PGC: variants seen among roughly 807,000 people sequenced by gnomAD.
PGC encodes gastricsin.
In PGC, 31 loss-of-function variants were observed where a neutral mutation model predicts 45.9. The ratio of observed to expected loss-of-function variants is 0.67; its 90% confidence interval spans 0.51 to 0.91. PGC has a LOEUF of 0.91. PGC is among the 40% of genes least tolerant of loss of function. The pLI, the probability that PGC is intolerant of heterozygous loss-of-function variation, is 0.00. For missense variants in PGC, 477 were observed against 493.2 expected, an observed-to-expected ratio of 0.97 and a Z score of 0.31; for synonymous variants, 192 against 201.8, an observed-to-expected ratio of 0.95 and a Z score of 0.41.
At chr6:41,747,250 C>A in intron 1 of PGC, 26 bp downstream of exon 1, 1 of 1,607,438 alleles carries the variant, frequency 6.2e-7, no homozygotes, top group Non-Finnish European at 8.5e-7. Context: ...AGGCTCCCTG[C>A]ACCAGCAGCC....
intron 6 of PGC, 145 bp downstream of exon 6, chr6:41,740,346 G>A: frequency 9.3e-7 from 1 of 1,070,036 alleles, no homozygotes; most frequent in Non-Finnish European, 1.3e-6. Context: ...CACCCCTGCA[G>A]AGGACAGTTG....
At chr6:41,746,762 G>C (rs150936347) in intron 1 of PGC, among the ~76,000 whole-genome samples, 3 of 152,188 alleles carry the variant, frequency 2.0e-5, no homozygotes, top group Admixed American at 2.0e-4. Context: ...CAGGCTGGGC[G>C]CCTTCCTGAT....
In PGC at chr6:41,744,847, T is replaced by G. The variant is rs774012961; in HGVS notation, c.60-39A>C. 1 of 1,571,800 alleles carries G rather than the reference T, an allele frequency of 6.4e-7. No individual in the cohort carries two copies. Among genetic ancestry groups the G allele is most frequent in the South Asian group, 1.1e-5 (1 of 87,816 alleles). ...GCATATGAGGCAAGGCCCTCCCTCCTTCCTCTCTTCCCACTCCTCTCTTTC... is the reference window on the plus strand; with the variant it reads ...GCATATGAGGCAAGGCCCTCCCTCCGTCCTCTCTTCCCACTCCTCTCTTTC... On this transcript the variant is annotated intron_variant, in intron 1 of 8. Transcript: ENST00000373025. This position sits in a 1 kb window ranked among gnomAD's most constrained non-coding sequence, Gnocchi z 4.4.
In PGC at chr6:41,736,790, A is replaced by C. The variant is rs1446829222; in HGVS notation, c.*62T>G. The C allele has an allele frequency of 1.3e-6, 2 of 1,542,482 alleles. No homozygotes were observed. The highest frequency in any genetic ancestry group is 3.3e-5 in the Admixed American group (2 of 59,908). On this transcript the variant is annotated 3_prime_UTR_variant, in exon 9 of 9. Coordinates refer to ENST00000373025, the MANE Select transcript of PGC (RefSeq NM_002630.4). The stretch of plus-strand genomic sequence containing the variant: ...GAATCCAGAGTGGAAAGACAGATAC[A>C]ATGCCCTAGGAGGGTGCAGGGTCAA...
In PGC at chr6:41,740,585, C is replaced by T; in HGVS notation, c.673G>A (p.Val225Ile). 1.9e-6 allele frequency: 3 copies of T among 1,601,768 alleles called. No homozygotes were observed. Among genetic ancestry groups the T allele is most frequent in the Non-Finnish European group, 2.6e-6 (3 of 1,174,480 alleles). ...SNQQGSSGGA[V>I]VFGGVDSSLY... ...CTGCTATCCACACCCCCAAAGACAA[C>T]CGCTCCCCCGCTGGAGCCCTGCTGG... The change falls in exon 6 of 9, where the codon GTT becomes ATT. Residue 225 changes from valine to isoleucine, a missense_variant. Val to Ile is a conservative substitution (Grantham distance 29). Transcript: ENST00000373025.
intron 5 of PGC, chr6:41,740,894 C>T: frequency 1.4e-6 from 2 of 1,446,032 alleles, no homozygotes; most frequent in Non-Finnish European, 1.8e-6. Context: ...GGGCTGTATC[C>T]CTTAGATTGG....
Position 41,742,281 on chromosome 6 carries a change from G to A in PGC, c.647+9C>T. 1 of 1,612,480 alleles carries A rather than the reference G, an allele frequency of 6.2e-7. No homozygotes were observed. The highest frequency in any genetic ancestry group is 8.5e-7 in the Non-Finnish European group (1 of 1,179,062). On this transcript the variant is annotated intron_variant, in intron 5 of 8. Coordinates refer to ENST00000373025, the MANE Select transcript of PGC (RefSeq NM_002630.4). ...CCGGGAGGTGGGGACTGGCCAGCTG[G>A]TTGCTCACTTGCTGAGGTAGACGCT...
Position 41,738,179 on chromosome 6 carries a change from CAT to C in PGC, c.916-353_916-352del, listed in dbSNP as rs1293180457. Among the ~76,000 whole-genome samples the C allele has an allele frequency of 9.9e-3, 210 of 21,306 alleles. 9 individuals are homozygous for C. The highest frequency in any genetic ancestry group is 0.025 in the Middle Eastern group (1 of 40). 14.0% of individuals were successfully genotyped at this position (21,306 alleles called of 152,430 possible). On this transcript the variant is annotated intron_variant, in intron 7 of 8. Coordinates refer to ENST00000373025, the MANE Select transcript of PGC (RefSeq NM_002630.4). ...ATACATATATATGCATATATATATA[CAT>C]ATATATATGCATATATATATGCATA...
chr6:41,744,447 C>G lies in PGC; in HGVS notation c.278G>C (p.Gly93Ala), dbSNP rs527381529. 1.6e-5 allele frequency: 26 copies of G among 1,613,460 alleles called. No homozygotes were observed. The East Asian group carries it at 5.3e-4, about 33-fold the overall frequency. Residue 93 changes from glycine (G) to alanine (A), a missense_variant, in exon 3 of 9, where the codon GGC becomes GCC. Physicochemically the swap from Gly to Ala is moderately conservative, Grantham distance 60 (BLOSUM62 0). Coordinates refer to ENST00000373025, the MANE Select transcript of PGC (RefSeq NM_002630.4). The surrounding 1 kb of genome is among the most constrained non-coding windows in gnomAD (Gnocchi z 4.4). Reference sequence around the variant, plus strand: ...AGAGGGCACCCACAAGTTGGAGGAGCCGGTGTCAAAAAGGACCAGGAAGTT... The same window carrying G: ...AGAGGGCACCCACAAGTTGGAGGAGGCGGTGTCAAAAAGGACCAGGAAGTT... Reference protein sequence around the residue: ...PQNFLVLFDTGSSNLWVPSVY... With the variant: ...PQNFLVLFDTASSNLWVPSVY...
rs914632425 is a variant in PGC, at chr6:41,744,174, C to T, written c.328+223G>A. 2.4e-4 allele frequency among the ~76,000 whole-genome samples: 36 copies of T among 152,078 alleles called. No individual in the cohort carries two copies. Among genetic ancestry groups the T allele is most frequent in the African/African-American group, 8.2e-4 (34 of 41,394 alleles). ...GTGGGGAGTTAGGGGCTGGCATAAG[C>T]AAAGGGATACATATTGGCAGGGAAG... On this transcript the variant is annotated intron_variant, in intron 3 of 8. Coordinates refer to ENST00000373025, the MANE Select transcript of PGC (RefSeq NM_002630.4). This position sits in a 1 kb window ranked among gnomAD's most constrained non-coding sequence, Gnocchi z 4.4.
intron 8 of PGC, 107 bp downstream of exon 8, chr6:41,737,623 G>A (rs190134385): frequency 7.9e-5 from 54 of 680,872 alleles, no homozygotes; most frequent in Non-Finnish European, 1.3e-4. Context: ...GAGTACAAGC[G>A]TGGAGTCGGA....
At chr6:41,740,299 A>G (rs1034577898) in intron 6 of PGC, among the ~76,000 whole-genome samples, 192 bp downstream of exon 6, 2 of 152,094 alleles carry the variant, frequency 1.3e-5, no homozygotes, top group African/African-American at 4.8e-5. Context: ...TATGTTGTCC[A>G]CATCCACTCT....
At chr6:41,746,402 C>G (rs1257169828) in intron 1 of PGC, among the ~76,000 whole-genome samples, 1 of 152,222 alleles carries the variant, frequency 6.6e-6, no homozygotes, top group African/African-American at 2.4e-5. Context: ...CCTGGGTGGT[C>G]TGGAGCACAG....
intron 8 of PGC, 97 bp from the exon 9 acceptor site, chr6:41,737,101 C>T: frequency 1.6e-6 from 2 of 1,222,960 alleles, no homozygotes; most frequent in Non-Finnish European, 2.3e-6. Context: ...AAGTGCAGAG[C>T]TGAGGGAGCC....
At position 41,744,427 on chromosome 6, in the gene PGC, G is replaced by T; in HGVS notation, c.298C>A (p.Pro100Thr). Residue 100 changes from proline (P) to threonine (T), a missense_variant, in exon 3 of 9, where the codon CCC becomes ACC. Pro to Thr is a conservative substitution (Grantham distance 38). Coordinates refer to ENST00000373025, the MANE Select transcript of PGC (RefSeq NM_002630.4). The surrounding 1 kb of genome is among the most constrained non-coding windows in gnomAD (Gnocchi z 4.4). Reference sequence around the variant, plus strand: ...GCCTGGCTCTGGCAGTAGACAGAGGGCACCCACAAGTTGGAGGAGCCGGTG... The same window carrying T: ...GCCTGGCTCTGGCAGTAGACAGAGGTCACCCACAAGTTGGAGGAGCCGGTG... ...FDTGSSNLWVPSVYCQSQACT... is the reference protein window; with the variant it reads ...FDTGSSNLWVTSVYCQSQACT... The T allele has an allele frequency of 1.2e-6, 2 of 1,612,808 alleles. No individual in the cohort carries two copies. Among genetic ancestry groups the T allele is most frequent in the Non-Finnish European group, 1.7e-6 (2 of 1,179,720 alleles).
At position 41,736,818 on chromosome 6, in the gene PGC, G is replaced by A. The variant is rs1771689424; in HGVS notation, c.*34C>T. 5 of 1,612,644 alleles carry A rather than the reference G, an allele frequency of 3.1e-6. No homozygotes were observed. Among genetic ancestry groups the A allele is most frequent in the Non-Finnish European group, 4.2e-6 (5 of 1,178,866 alleles). ...GCCCTAGGAGGGTGCAGGGTCAAGA[G>A]GAAGAGGGGAGCCCACGTGTCGAGG... On this transcript the variant is annotated 3_prime_UTR_variant, in exon 9 of 9. Transcript: ENST00000373025.
chr6:41,740,886 G>A (rs879827714), intron 5 of PGC: 15 of 1,443,224 alleles, frequency 1.0e-5, no homozygotes, highest in Non-Finnish European at 1.1e-5. Context: ...TGAGGATGGG[G>A]CTGTATCCCT....
chr6:41,737,583 G>T, intron 8 of PGC, 147 bp downstream of exon 8: 1 of 582,986 alleles, frequency 1.7e-6, no homozygotes, highest in Non-Finnish European at 3.1e-6. Flanking sequence ...AGAGAAGGGG[G>T]TTTAGAATCA....
intron 4 of PGC, 66 bp from the exon 5 acceptor site, chr6:41,742,555 A>T: frequency 8.4e-7 from 1 of 1,197,280 alleles, no homozygotes; most frequent in Non-Finnish European, 1.2e-6. Context: ...AGGTTCCCCT[A>T]GAGACTCCTC....
Sources: gnomAD v4.1 joint callset for allele counts (sites outside exome capture counted in the v4.1 genomes callset) on GRCh38, gnomAD v4.1.1 for gene constraint, Gnocchi (gnomAD v3.1) non-coding constraint, MANE v1.5 for transcripts, NCBI Gene and HGNC (gene_info 2026-07-23, HGNC 2026-07-21) for gene names.